GRIK1: variants seen among roughly 807,000 people sequenced by gnomAD.
The protein encoded by GRIK1 is glutamate receptor ionotropic, kainate 1.
In GRIK1, 69 loss-of-function variants were observed where a neutral mutation model predicts 105.7. The observed-to-expected ratio is 0.65, with a 90% CI of 0.54 to 0.80. The LOEUF is 0.80. Among genes scored for constraint, GRIK1 ranks in the 30% least tolerant of loss-of-function variants. The pLI, the probability that GRIK1 is intolerant of heterozygous loss-of-function variation, is 0.00. For synonymous variants in GRIK1, 438 were observed against 431.3 expected (o/e 1.02, Z -0.19); for missense variants, 1,109 against 1,167.3 (o/e 0.95, Z 0.73).
intron 1 of GRIK1, among the ~76,000 whole-genome samples, chr21:29,931,189 A>G (rs547903196): frequency 5.9e-5 from 9 of 152,266 alleles, no homozygotes; most frequent in African/African-American, 2.2e-4. Flanking sequence ...GTTTTTACCT[A>G]ATGTCATTTT....
chr21:29,917,020 G>A (rs745977251), intron 1 of GRIK1, among the ~76,000 whole-genome samples: 9 of 151,888 alleles, frequency 5.9e-5, no homozygotes, highest in Admixed American at 1.3e-4. Flanking sequence ...ACGTTTATGT[G>A]TTTTTCTCGA....
intron 16 of GRIK1, among the ~76,000 whole-genome samples, chr21:29,552,692 T>C (rs1182809606): frequency 1.3e-5 from 2 of 151,696 alleles, no homozygotes; most frequent in Non-Finnish European, 1.5e-5. Context: ...GAGTGGTAAA[T>C]AGAAATGAAT....
intron 4 of GRIK1, among the ~76,000 whole-genome samples, chr21:29,665,430 A>G (rs968314228): frequency 6.6e-6 from 1 of 152,238 alleles, no homozygotes; most frequent in Admixed American, 6.5e-5. Context: ...AACATACTAC[A>G]AATTATCATC....
At chr21:29,641,795 C>G (rs769372663) in intron 7 of GRIK1, among the ~76,000 whole-genome samples, 1 of 152,160 alleles carries the variant, frequency 6.6e-6, no homozygotes, top group Admixed American at 6.5e-5. Flanking sequence ...TATCCTCACC[C>G]TCATGGATCA....
intron 1 of GRIK1, among the ~76,000 whole-genome samples, chr21:29,906,775 A>T (rs974742078): frequency 6.6e-6 from 1 of 152,076 alleles, no homozygotes; most frequent in Non-Finnish European, 1.5e-5. Flanking sequence ...CATGTTCTTG[A>T]ATTATTTGGA....
intron 1 of GRIK1, among the ~76,000 whole-genome samples, chr21:29,902,106 C>T (rs1426307046): frequency 4.6e-5 from 7 of 152,136 alleles, no homozygotes; most frequent in Non-Finnish European, 5.9e-5. Context: ...GCCTTTCATG[C>T]TAAAAACTCT....
intron 1 of GRIK1, among the ~76,000 whole-genome samples, chr21:29,907,329 G>A (rs455858): frequency 0.22 from 33,456 of 151,850 alleles, 4,200 homozygotes; most frequent in African/African-American, 0.34. Flanking sequence ...ATACTGAGAA[G>A]AAAACCAAGA....
At chr21:29,538,827 G>C (rs746197296) in intron 16 of GRIK1, among the ~76,000 whole-genome samples, 29 of 152,046 alleles carry the variant, frequency 1.9e-4, no homozygotes, top group Non-Finnish European at 2.2e-4. Context: ...TGTTCGTTTT[G>C]TTCCAAAAAT....
intron 4 of GRIK1, among the ~76,000 whole-genome samples, chr21:29,658,871 ATC>A (rs1404525653): frequency 6.6e-6 from 1 of 152,166 alleles, no homozygotes; most frequent in Non-Finnish European, 1.5e-5. Context: ...CTCTCCAGAG[ATC>A]TCAGTTCCCT....
At chr21:29,774,923 A>G (rs2145750213) in intron 1 of GRIK1, among the ~76,000 whole-genome samples, 1 of 152,318 alleles carries the variant, frequency 6.6e-6, no homozygotes, top group African/African-American at 2.4e-5. Context: ...AAGGGGATCC[A>G]CATTTTCACT....
chr21:29,592,137 ATCT>A (rs2061342657), intron 9 of GRIK1, among the ~76,000 whole-genome samples: 2 of 152,222 alleles, frequency 1.3e-5, no homozygotes, highest in Admixed American at 1.3e-4. Flanking sequence ...TTCAGGGCCT[ATCT>A]TCTTTGAGGA....
At position 29,565,961 on chromosome 21, in the gene GRIK1, G is replaced by C. The variant is rs1363984127; in HGVS notation, c.2131-4112C>G. On this transcript the variant is annotated intron_variant, in intron 14 of 17. Transcript: ENST00000327783. ...AGGGCTCTTTCTTCTTTACTGCAGA[G>C]TTCTGTCCGCTGCATGCCACGCTCA... 3.3e-5 allele frequency among the ~76,000 whole-genome samples: 5 copies of C among 152,304 alleles called. No individual in the cohort carries two copies. In the East Asian group the frequency reaches 7.7e-4, roughly 23 times the overall value.
rs140905946 is a variant in GRIK1 at position 29,829,815 on chromosome 21, C to T, written c.118+109568G>A. On this transcript the variant is annotated intron_variant, in intron 1 of 17. Transcript: ENST00000327783. ...ACAGATAGGATTGATTCACACATCA[C>T]ATCCAGTAACATTTATAATCAGAAA... Among the ~76,000 whole-genome samples the T allele has an allele frequency of 2.6e-5, 4 of 152,254 alleles. No individual in the cohort carries two copies. In the East Asian group the frequency reaches 5.8e-4, roughly 22 times the overall value.
intron 1 of GRIK1, among the ~76,000 whole-genome samples, chr21:29,833,674 T>C (rs1196092212): frequency 6.6e-6 from 1 of 152,162 alleles, no homozygotes; most frequent in South Asian, 2.1e-4. Flanking sequence ...TCTACCTCCA[T>C]GATCCAATCA....
intron 1 of GRIK1, among the ~76,000 whole-genome samples, chr21:29,848,160 A>C (rs61184506): frequency 0.31 from 47,572 of 151,800 alleles, 7,978 homozygotes; most frequent in East Asian, 0.46. Context: ...CGCTGCTTCT[A>C]GTTGCACTTT....
chr21:29,919,540 G>T lies in GRIK1; in HGVS notation c.118+19843C>A, dbSNP rs2071121289. Among the ~76,000 whole-genome samples the T allele has an allele frequency of 4.6e-5, 7 of 152,140 alleles. No homozygotes were observed. The South Asian group carries it at 1.5e-3, about 32-fold the overall frequency. ...ATAGGTTATACTTTCTTGAGCTTGG[G>T]AATATGAGAAACATATTCAAGGCTT... On this transcript the variant is annotated intron_variant, in intron 1 of 17. Coordinates refer to ENST00000327783, the MANE Select transcript of GRIK1 (RefSeq NM_001330994.2).
At chr21:29,696,908 A>T (rs2063713696) in intron 1 of GRIK1, among the ~76,000 whole-genome samples, 1 of 152,256 alleles carries the variant, frequency 6.6e-6, no homozygotes, top group South Asian at 2.1e-4. Context: ...TTTGAGAAGG[A>T]TTTTTAAGTA....
chr21:29,752,936 T>C (rs897502794), intron 1 of GRIK1, among the ~76,000 whole-genome samples: 1 of 152,236 alleles, frequency 6.6e-6, no homozygotes, highest in African/African-American at 2.4e-5. Context: ...AGTGGAGGAC[T>C]CTGCTTAGAA....
intron 1 of GRIK1, among the ~76,000 whole-genome samples, chr21:29,717,252 G>A (rs1221937763): frequency 6.6e-6 from 1 of 152,216 alleles, no homozygotes; most frequent in Non-Finnish European, 1.5e-5. Context: ...GGAAATACAG[G>A]GTTGGAGCCC....
Sources: gnomAD v4.1 joint callset for allele counts (sites outside exome capture counted in the v4.1 genomes callset) on GRCh38, gnomAD v4.1.1 for gene constraint, MANE v1.5 for transcripts, NCBI Gene and HGNC (gene_info 2026-07-23, HGNC 2026-07-21) for gene names.